AHNAK: variants seen among roughly 807,000 people sequenced by gnomAD.
AHNAK encodes the protein AHNAK nucleoprotein.
AHNAK carries 23 observed loss-of-function variants against 37.8 expected under a neutral mutation model. That is an observed-to-expected ratio of 0.61 (90% CI 0.44 to 0.86). AHNAK has a LOEUF of 0.86. AHNAK is among the 40% of genes least tolerant of loss of function. AHNAK has a pLI of 0.00. For synonymous variants in AHNAK, 2,481 were observed against 2,636.3 expected (o/e 0.94, Z 1.80); for missense variants, 7,411 against 7,319.4 (o/e 1.01, Z -0.46).
rs145752851 is a variant in AHNAK at position 62,519,613 on chromosome 11, G to A, written c.14804C>T (p.Pro4935Leu). Residue 4935 changes from proline (P) to leucine (L), a missense_variant, in exon 5 of 5, where the codon CCG becomes CTG. Coordinates refer to ENST00000378024, the MANE Select transcript of AHNAK (RefSeq NM_001620.3). ...GTCCACTTCACCACCTTCTAACTTCGGACCTGAAAATCCAATTTTTGGTGC... is the reference window on the plus strand; with the variant it reads ...GTCCACTTCACCACCTTCTAACTTCAGACCTGAAAATCCAATTTTTGGTGC... ...LKAPKIGFSGPKLEGGEVDLK... is the reference protein window; with the variant it reads ...LKAPKIGFSGLKLEGGEVDLK... 4.6e-5 allele frequency: 74 copies of A among 1,613,502 alleles called. No individual in the cohort carries two copies. The African/African-American group carries it at 7.9e-4, about 17-fold the overall frequency.
intron 4 of AHNAK, among the ~76,000 whole-genome samples, chr11:62,506,986 C>T (rs894280175): frequency 2.0e-5 from 3 of 152,126 alleles, no homozygotes; most frequent in Non-Finnish European, 4.4e-5. Flanking sequence ...AGTTCGTCCC[C>T]CTTCTCTTGC....
At chr11:62,488,123 C>T (rs1939428260) in intron 5 of AHNAK, among the ~76,000 whole-genome samples, 2 of 152,166 alleles carry the variant, frequency 1.3e-5, no homozygotes, top group African/African-American at 4.8e-5. Flanking sequence ...TGCCACCTTC[C>T]GTGCCTGGCT....
At chr11:62,466,591 C>T (rs1292995128) in intron 5 of AHNAK, among the ~76,000 whole-genome samples, 1 of 151,812 alleles carries the variant, frequency 6.6e-6, no homozygotes, top group Non-Finnish European at 1.5e-5. Flanking sequence ...ATTTGTCTCT[C>T]ACCCCTGCCT....
intron 5 of AHNAK, among the ~76,000 whole-genome samples, chr11:62,455,371 C>T (rs1169907474): frequency 6.6e-6 from 1 of 152,020 alleles, no homozygotes; most frequent in Non-Finnish European, 1.5e-5. Context: ...GTGCTGGCTC[C>T]CCCATTTTGC....
At chr11:62,465,365 A>G (rs1938888961) in intron 5 of AHNAK, among the ~76,000 whole-genome samples, 1 of 152,224 alleles carries the variant, frequency 6.6e-6, no homozygotes, top group Non-Finnish European at 1.5e-5. Flanking sequence ...CTGTAATCCC[A>G]GCACTTTGGG....
intron 5 of AHNAK, among the ~76,000 whole-genome samples, chr11:62,468,843 C>CATGAGGT: frequency 6.6e-6 from 1 of 152,262 alleles, no homozygotes; most frequent in Non-Finnish European, 1.5e-5. Context: ...CTGAGACGAC[C>CATGAGGT]CATCTGCTTT....
chr11:62,524,363 A>G lies in AHNAK; in HGVS notation c.10054T>C (p.Phe3352Leu). Residue 3352 changes from phenylalanine (F) to leucine (L), a missense_variant, in exon 5 of 5, where the codon TTT becomes CTT. Physicochemically the swap from Phe to Leu is conservative, Grantham distance 22. Transcript: ENST00000378024. ...NIEGKSKKSR[F>L]KLPKFNFSGS... ...GAAAAATTAAATTTGGGAAGCTTAA[A>G]ACGAGATTTCTTTGACTTGCCTTCG... 1 of 1,613,206 alleles carries G rather than the reference A, an allele frequency of 6.2e-7. No homozygotes were observed. Among genetic ancestry groups the G allele is most frequent in the Non-Finnish European group, 8.5e-7 (1 of 1,179,802 alleles).
intron 1 of AHNAK, among the ~76,000 whole-genome samples, chr11:62,541,390 G>A (rs1941119669): frequency 6.6e-6 from 1 of 152,160 alleles, no homozygotes; most frequent in Admixed American, 6.5e-5. Context: ...CACACACAAG[G>A]CCAAAGAGAA....
At chr11:62,453,661 G>A (rs181973431) in intron 5 of AHNAK, among the ~76,000 whole-genome samples, 8 of 152,302 alleles carry the variant, frequency 5.3e-5, no homozygotes, top group African/African-American at 1.9e-4. Flanking sequence ...TGGGTGACTT[G>A]AGGAGCCTCT....
At position 62,534,601 on chromosome 11, in the gene AHNAK, C is replaced by A. The variant is rs1332448343; in HGVS notation, c.342+402G>T. On this transcript the variant is annotated intron_variant, in intron 4 of 4. Coordinates refer to ENST00000378024, the MANE Select transcript of AHNAK (RefSeq NM_001620.3). ...AGAAGGACCAATGTCCCCACAGGCA[C>A]TTTGCTGCCCAGCGTCTGACCCACA... Among the ~76,000 whole-genome samples the A allele has an allele frequency of 2.0e-5, 3 of 152,238 alleles. No individual in the cohort carries two copies. In the East Asian group the frequency reaches 5.8e-4, roughly 29 times the overall value.
intron 5 of AHNAK, among the ~76,000 whole-genome samples, chr11:62,485,592 C>T (rs1396772173): frequency 6.6e-6 from 1 of 150,996 alleles, no homozygotes; most frequent in Non-Finnish European, 1.5e-5. Context: ...GTCCCAGCTA[C>T]TCAGGAGGCT....
chr11:62,457,876 G>A (rs1422131579), intron 5 of AHNAK, among the ~76,000 whole-genome samples: 1 of 150,862 alleles, frequency 6.6e-6, no homozygotes, highest in Non-Finnish European at 1.5e-5. Flanking sequence ...ACAATCCTAC[G>A]CATGTACCTC....
chr11:62,533,892 G>C lies in AHNAK; in HGVS notation c.525C>G (p.Ile175Met). The stretch of plus-strand genomic sequence containing the variant: ...TCTTGATCTTGAATTCAGGGCTACT[G>C]ATGTCTATGTCCTTGGCTCCTTCCC... ...TGREGAKDID[I>M]SSPEFKIKIP... The change falls in exon 5 of 5, where the codon ATC becomes ATG. Residue 175 changes from isoleucine (I) to methionine (M), a missense_variant. Coordinates refer to ENST00000378024, the MANE Select transcript of AHNAK (RefSeq NM_001620.3). 1 of 1,614,200 alleles carries C rather than the reference G, an allele frequency of 6.2e-7. No individual in the cohort carries two copies. The highest frequency in any genetic ancestry group is 8.5e-7 in the Non-Finnish European group (1 of 1,180,040).
chr11:62,456,098 G>A (rs550592863), intron 5 of AHNAK, among the ~76,000 whole-genome samples: 1 of 152,112 alleles, frequency 6.6e-6, no homozygotes, highest in Non-Finnish European at 1.5e-5. Context: ...CACAAGCACA[G>A]AGGCAAAAGC....
intron 5 of AHNAK, among the ~76,000 whole-genome samples, chr11:62,472,303 C>G (rs776901448): frequency 6.6e-6 from 1 of 152,134 alleles, no homozygotes; most frequent in Non-Finnish European, 1.5e-5. Flanking sequence ...GACCCAGACC[C>G]TCCCCACTGC....
chr11:62,546,222 G>C (rs1328283941), intron 1 of AHNAK, among the ~76,000 whole-genome samples: 1 of 152,180 alleles, frequency 6.6e-6, no homozygotes, highest in Non-Finnish European at 1.5e-5. Flanking sequence ...TCGCGGAGGC[G>C]CGGAGGCGCT....
chr11:62,497,189 GC>G (rs531303221), intron 4 of AHNAK, among the ~76,000 whole-genome samples: 201 of 152,318 alleles, frequency 1.3e-3, no homozygotes, highest in Admixed American at 2.3e-3. Flanking sequence ...ACCAACAACT[GC>G]TAAAGTGTTC....
chr11:62,489,680 G>A (rs1356543303), intron 5 of AHNAK, among the ~76,000 whole-genome samples: 1 of 152,110 alleles, frequency 6.6e-6, no homozygotes, highest in Non-Finnish European at 1.5e-5. Flanking sequence ...AGGGGGAGTG[G>A]AGGGGAGCCC....
In AHNAK at chr11:62,531,619, T is replaced by C. The variant is rs1263958236; in HGVS notation, c.2798A>G (p.Lys933Arg). 4 of 1,613,258 alleles carry C rather than the reference T, an allele frequency of 2.5e-6. No homozygotes were observed. In the African/African-American group the frequency reaches 5.4e-5, roughly 22 times the overall value. Residue 933 changes from lysine (K) to arginine (R), a missense_variant, in exon 5 of 5, where the codon AAG (lysine) becomes AGG (arginine). By Grantham distance (26) the Lys-to-Arg change is conservative. Transcript: ENST00000378024. ...GATATTCATCTCTGGCATCTTGAAC[T>C]TGGGGCCCTTCAGCTTTCCTTCAGG... ...EGPEGKLKGP[K>R]FKMPEMNIKA...
Sources: allele counts gnomAD v4.1 joint callset (sites outside exome capture counted in the v4.1 genomes callset), GRCh38; gene constraint gnomAD v4.1.1; transcripts MANE v1.5; gene names NCBI Gene and HGNC (gene_info 2026-07-23, HGNC 2026-07-21).